Variants in SLC16A5 observed in about 807,000 individuals in gnomAD.
SLC16A5 encodes the protein monocarboxylate transporter 6.
In SLC16A5, 29 loss-of-function variants were observed where a neutral mutation model predicts 33.2. The observed-to-expected ratio is 0.87, with a 90% CI of 0.65 to 1.19. The LOEUF is 1.19. Among genes scored for constraint, SLC16A5 ranks in the 50% most tolerant of loss-of-function variants. The pLI, the probability that SLC16A5 is intolerant of heterozygous loss-of-function variation, is 0.00. For synonymous variants in SLC16A5, 248 were observed against 284.1 expected (o/e 0.87, Z 1.28); for missense variants, 606 against 678.2 (o/e 0.89, Z 1.18).
intron 3 of SLC16A5, among the ~76,000 whole-genome samples, chr17:75,096,818 C>T (rs2073724983): frequency 6.7e-6 from 1 of 148,498 alleles, no homozygotes; most frequent in South Asian, 2.1e-4. Flanking sequence ...AGGCGTGAGC[C>T]ACCACGCATG....
chr17:75,105,483 C>T, intron 6 of SLC16A5: 1 of 985,370 alleles, frequency 1.0e-6, no homozygotes, highest in Non-Finnish European at 1.2e-6. Flanking sequence ...TGGTGTCAAC[C>T]CTGGGGTAAG....
chr17:75,103,082 G>A (rs1316508878), intron 5 of SLC16A5, among the ~76,000 whole-genome samples: 1 of 152,154 alleles, frequency 6.6e-6, no homozygotes, highest in Non-Finnish European at 1.5e-5. Context: ...GTAGAGATGG[G>A]GTTTCACTGT....
intron 2 of SLC16A5, chr17:75,093,326 G>T (rs866396630): frequency 1.9e-5 from 25 of 1,334,262 alleles, no homozygotes; most frequent in Non-Finnish European, 2.5e-5. Flanking sequence ...CACCTGCCCT[G>T]CCCCGTCCTG....
chr17:75,106,231 G>A (rs1011900661), downstream of SLC16A5: 14 of 410,234 alleles, frequency 3.4e-5, no homozygotes, highest in Middle Eastern at 6.5e-4. Context: ...GCATCCTGAC[G>A]ACTCCATTTC....
chr17:75,096,624 G>A (rs575923184), intron 3 of SLC16A5, among the ~76,000 whole-genome samples: 17 of 148,018 alleles, frequency 1.1e-4, no homozygotes, highest in East Asian at 2.0e-4. Flanking sequence ...TCCACCTCCC[G>A]GGTTCAAGCG....
In SLC16A5 at chr17:75,104,018, C is replaced by A. The variant is rs1376463197; in HGVS notation, c.1202C>A (p.Ser401Tyr). 1 of 1,614,214 alleles carries A rather than the reference C, an allele frequency of 6.2e-7. No homozygotes were observed. Among genetic ancestry groups the A allele is most frequent in the Non-Finnish European group, 8.5e-7 (1 of 1,180,048 alleles). Residue 401 changes from serine to tyrosine, a missense_variant, in exon 6 of 7, where the codon TCC becomes TAC. Transcript: ENST00000329783. ...AACTTTAGCTATGTTTTCTACATGT[C>A]CAGCTTCTTCCTCATCTCAGCTGCC... The part of the protein sequence containing the change: ...TNNFSYVFYM[S>Y]SFFLISAALF...
intron 4 of SLC16A5, among the ~76,000 whole-genome samples, chr17:75,098,654 C>T (rs942623480): frequency 1.3e-5 from 2 of 152,166 alleles, no homozygotes; most frequent in African/African-American, 4.8e-5. Context: ...GAGGAACAGA[C>T]TATACCCAGA....
Position 75,105,950 on chromosome 17 carries a change from A to C in SLC16A5, c.1435A>C (p.Arg479=), listed in dbSNP as rs755022254. The C allele has an allele frequency of 2.5e-6, 4 of 1,612,210 alleles. No homozygotes were observed. The South Asian group carries it at 4.4e-5, about 18-fold the overall frequency. ...KHLWGCPASS[R]TSHEWLLWPK... is the part of the protein sequence containing the mutation. ...TCTTTGGGGATGTCCTGCCTCCTCC[A>C]GGACCAGCCATGAGTGGCTCTTATG... is the stretch of plus-strand genomic sequence containing the variant. The change falls in exon 7 of 7, where the codon AGG becomes CGG. Residue 479 remains arginine, a synonymous_variant. Transcript: ENST00000329783.
At chr17:75,095,664 A>ATT (rs35089527) in intron 3 of SLC16A5, among the ~76,000 whole-genome samples, 1 of 143,246 alleles carries the variant, frequency 7.0e-6, no homozygotes, top group African/African-American at 2.6e-5. Flanking sequence ...CACCCAGCTA[A>ATT]TTTTTTTTTT....
chr17:75,093,860 T>C (rs773281363), intron 3 of SLC16A5, 25 bp downstream of exon 3: 35 of 1,607,180 alleles, frequency 2.2e-5, no homozygotes, highest in Middle Eastern at 3.3e-4. Flanking sequence ...GAGGGGCCGA[T>C]GAGAAAGTCC....
At position 75,093,816 on chromosome 17, in the gene SLC16A5, G is replaced by T; in HGVS notation, c.180G>T (p.Thr60=). Residue 60 remains threonine, a synonymous_variant, in exon 3 of 7, where the codon ACG becomes ACT. Transcript: ENST00000329783. ...CCTCTTGGTTCCCCTCCATCCTCAC[G>T]GCTGTGCTCCACATGGCAGGTGAGC... ...SETSWFPSIL[T]AVLHMAGPLC... is the part of the protein sequence containing the mutation. 6.2e-7 allele frequency: 1 copy of T among 1,614,100 alleles called. No homozygotes were observed. The highest frequency in any genetic ancestry group is 8.5e-7 in the Non-Finnish European group (1 of 1,179,964).
intron 3 of SLC16A5, among the ~76,000 whole-genome samples, chr17:75,096,587 G>A (rs2073721459): frequency 6.7e-6 from 1 of 149,742 alleles, no homozygotes. Context: ...CTGGAGTGTA[G>A]TGGCACAGTC....
At chr17:75,094,556 G>A (rs906324070) in intron 3 of SLC16A5, among the ~76,000 whole-genome samples, 1 of 152,084 alleles carries the variant, frequency 6.6e-6, no homozygotes, top group Middle Eastern at 3.2e-3. Flanking sequence ...CGTGGTGGCG[G>A]GTGCCTGTAA....
intron 4 of SLC16A5, among the ~76,000 whole-genome samples, chr17:75,099,655 T>C (rs1333424467): frequency 6.6e-6 from 1 of 152,166 alleles, no homozygotes; most frequent in Non-Finnish European, 1.5e-5. Context: ...ACCATGTTGG[T>C]CTCGAACTCC....
chr17:75,104,983 A>G, intron 6 of SLC16A5: 2 of 985,384 alleles, frequency 2.0e-6, no homozygotes, highest in Non-Finnish European at 2.4e-6. Flanking sequence ...TCTGGCCTCC[A>G]TACCGTTCTG....
intron 5 of SLC16A5, among the ~76,000 whole-genome samples, chr17:75,101,315 C>G (rs1170902082): frequency 6.6e-6 from 1 of 150,578 alleles, no homozygotes; most frequent in Non-Finnish European, 1.5e-5. Flanking sequence ...AATCCCAGCA[C>G]TTTGGGAGGC....
At position 75,100,183 on chromosome 17, in the gene SLC16A5, G is replaced by A. The variant is rs767431935; in HGVS notation, c.520G>A (p.Val174Ile). 9 of 1,614,230 alleles carry A rather than the reference G, an allele frequency of 5.6e-6. No homozygotes were observed. The highest frequency in any genetic ancestry group is 7.6e-6 in the Non-Finnish European group (9 of 1,180,034). ...CCTGGGCTGGAGGGGTACCTTCCTT[G>A]TCTTCGGCGGGATCTTTCTCCACTG... ...ENLGWRGTFLVFGGIFLHCCI... is the reference protein window; with the variant it reads ...ENLGWRGTFLIFGGIFLHCCI... The change falls in exon 5 of 7, where the codon GTC becomes ATC. Residue 174 changes from valine (V) to isoleucine (I), a missense_variant. Coordinates refer to ENST00000329783, the MANE Select transcript of SLC16A5 (RefSeq NM_004695.4).
rs2073787327 is a variant in SLC16A5 at position 75,100,760 on chromosome 17, T to C, written c.1097T>C (p.Leu366Pro). ...CCCATGGATCAGTTCCCCAGAGCCC[T>C]GGGACTCTTCACTGTCCTGGACGGC... ...IVPMDQFPRA[L>P]GLFTVLDGLA... The change falls in exon 5 of 7, where the codon CTG becomes CCG. Residue 366 changes from leucine (L) to proline (P), a missense_variant. Transcript: ENST00000329783. The C allele has an allele frequency of 6.2e-7, 1 of 1,613,724 alleles. No individual in the cohort carries two copies.
chr17:75,095,295 G>T (rs2073702317), intron 3 of SLC16A5, among the ~76,000 whole-genome samples: 1 of 152,150 alleles, frequency 6.6e-6, no homozygotes, highest in African/African-American at 2.4e-5. Flanking sequence ...GGCAGAGCAG[G>T]GTTCCTGGGC....
Sources: gnomAD v4.1 joint callset for allele counts (sites outside exome capture counted in the v4.1 genomes callset) on GRCh38, gnomAD v4.1.1 for gene constraint, MANE v1.5 for transcripts, NCBI Gene and HGNC (gene_info 2026-07-23, HGNC 2026-07-21) for gene names.